The following CSMD1 variants were observed in gnomAD, a reference collection of about 807,000 sequenced individuals.
CSMD1 encodes the protein CUB and sushi domain-containing protein 1.
Under a neutral mutation model 417.5 loss-of-function variants are expected in CSMD1, and 213 were observed. That is an observed-to-expected ratio of 0.51 (90% CI 0.46 to 0.57). The LOEUF (loss-of-function observed/expected upper bound fraction) is 0.57, where lower values mean the gene tolerates loss of function less well. CSMD1 is among the 20% of genes least tolerant of loss of function. The probability of loss-of-function intolerance (pLI) is 0.00; values close to 1 mark genes in which losing one functional copy is unlikely to be tolerated. For synonymous variants in CSMD1, 2,862 were observed against 1,736.8 expected (o/e 1.65, Z -16.11); for missense variants, 6,923 against 4,529.7 (o/e 1.53, Z -15.17).
In CSMD1 at chr8:4,346,331, G is replaced by A. The variant is rs144832236; in HGVS notation, c.415+73622C>T. Among the ~76,000 whole-genome samples the A allele has an allele frequency of 3.6e-3, 552 of 152,212 alleles. 3 individuals are homozygous for A. The highest frequency in any genetic ancestry group is 0.013 in the African/African-American group (531 of 41,532). On this transcript the variant is annotated intron_variant, in intron 3 of 69. Coordinates refer to ENST00000635120, the MANE Select transcript of CSMD1 (RefSeq NM_033225.6). ...CAGTGACCATAAATCCAGTTTTACT[G>A]GAAAGCAGCCATGCCCATCTATTTC...
intron 5 of CSMD1, among the ~76,000 whole-genome samples, chr8:3,859,532 T>C (rs1239298946): frequency 6.6e-6 from 1 of 152,166 alleles, no homozygotes; most frequent in African/African-American, 2.4e-5. Context: ...CACAGTTGGA[T>C]TTCAGGGCGA....
chr8:3,035,312 A>T (rs928849750), intron 50 of CSMD1, among the ~76,000 whole-genome samples: 1 of 152,128 alleles, frequency 6.6e-6, no homozygotes, highest in East Asian at 1.9e-4. Context: ...ATGTAATTCT[A>T]CTGTAAGCGG....
intron 1 of CSMD1, among the ~76,000 whole-genome samples, chr8:4,726,689 A>C (rs1809479563): frequency 1.3e-5 from 2 of 152,160 alleles, no homozygotes; most frequent in Non-Finnish European, 2.9e-5. Context: ...GTCCTATTTC[A>C]TCAGTTCTAA....
At chr8:4,358,838 A>C (rs1801587157) in intron 3 of CSMD1, among the ~76,000 whole-genome samples, 1 of 152,168 alleles carries the variant, frequency 6.6e-6, no homozygotes, top group African/African-American at 2.4e-5. Context: ...CCTTGGTTTC[A>C]GTGCTCAAAT....
chr8:3,038,070 T>C (rs981824771), intron 50 of CSMD1, among the ~76,000 whole-genome samples: 5 of 152,180 alleles, frequency 3.3e-5, no homozygotes, highest in Non-Finnish European at 5.9e-5. Context: ...AAAATACATA[T>C]ATTTGAGCAG....
chr8:3,159,283 C>A (rs1207839970), intron 38 of CSMD1, among the ~76,000 whole-genome samples: 1 of 152,144 alleles, frequency 6.6e-6, no homozygotes, highest in Non-Finnish European at 1.5e-5. Context: ...ATGAGCGATT[C>A]TAGCTACAAG....
At chr8:3,712,866 T>C (rs1390171673) in intron 6 of CSMD1, among the ~76,000 whole-genome samples, 1 of 152,126 alleles carries the variant, frequency 6.6e-6, no homozygotes, top group African/African-American at 2.4e-5. Context: ...CCTGGGGAGA[T>C]GCTGGTCAAA....
intron 2 of CSMD1, among the ~76,000 whole-genome samples, chr8:4,597,609 T>A (rs928237903): frequency 3.8e-4 from 58 of 152,258 alleles, no homozygotes; most frequent in African/African-American, 1.4e-3. Context: ...GAAAATGGAA[T>A]ATTTAAGACC....
chr8:4,403,234 G>A lies in CSMD1; in HGVS notation c.415+16719C>T, dbSNP rs575621125. Among the ~76,000 whole-genome samples the A allele has an allele frequency of 5.0e-4, 76 of 152,256 alleles. 1 individual carries two copies. The highest frequency in any genetic ancestry group is 1.8e-3 in the African/African-American group (76 of 41,552). ...TTTCTTTTCCTTATGAGAATATAAA[G>A]ATCATTTCTCCTACGTTAAAGGCAA... On this transcript the variant is annotated intron_variant, in intron 3 of 69. Transcript: ENST00000635120.
At chr8:3,497,958 C>T (rs1016129695) in intron 10 of CSMD1, among the ~76,000 whole-genome samples, 7 of 152,190 alleles carry the variant, frequency 4.6e-5, no homozygotes, top group South Asian at 2.1e-4. Context: ...GAAGGGCTCC[C>T]ATAAGCATTT....
chr8:4,146,593 C>CTTTTTTTTTTTTTTTTTTTTTTTTT lies in CSMD1; in HGVS notation c.416-114495_416-114494insAAAAAAAAAAAAAAAAAAAAAAAAA, dbSNP rs1208930261. The stretch of plus-strand genomic sequence containing the variant: ...ATCTGTCTAAATGTTTATATGGACA[C>CTTTTTTTTTTTTTTTTTTTTTTTTT]ATTTTTTTTTTTTTTTTTTTTTTTT... On this transcript the variant is annotated intron_variant, in intron 3 of 69. Transcript: ENST00000635120. Among the ~76,000 whole-genome samples the CTTTTTTTTTTTTTTTTTTTTTTTTT allele has an allele frequency of 8.8e-5, 8 of 90,762 alleles. 3 individuals are homozygous for CTTTTTTTTTTTTTTTTTTTTTTTTT. The highest frequency in any genetic ancestry group is 2.9e-4 in the Admixed American group (2 of 6,792). 59.5% of individuals were successfully genotyped at this position (90,762 alleles called of 152,430 possible).
At chr8:3,200,843 T>C (rs78373690) in intron 32 of CSMD1, among the ~76,000 whole-genome samples, 2,484 of 152,256 alleles carry the variant, frequency 0.016, 74 homozygotes, top group African/African-American at 0.057. Flanking sequence ...AATCTGAACA[T>C]TAATTGGTCA....
chr8:3,100,254 A>G (rs577395056), intron 46 of CSMD1, among the ~76,000 whole-genome samples: 17 of 152,166 alleles, frequency 1.1e-4, no homozygotes, highest in African/African-American at 4.1e-4. Context: ...TTGTTTTGCC[A>G]TTTTGCCCAG....
chr8:3,882,681 T>C (rs540332025), intron 5 of CSMD1, among the ~76,000 whole-genome samples: 1 of 152,240 alleles, frequency 6.6e-6, no homozygotes, highest in East Asian at 1.9e-4. Flanking sequence ...CAAAACAAAA[T>C]ACTACACAGC....
At chr8:3,570,291 T>A (rs1020390641) in intron 10 of CSMD1, among the ~76,000 whole-genome samples, 3 of 152,254 alleles carry the variant, frequency 2.0e-5, no homozygotes, top group African/African-American at 7.2e-5. Context: ...CTTGCCTGGA[T>A]GTGATGGATA....
chr8:4,953,584 A>T (rs1808889922), intron 1 of CSMD1, among the ~76,000 whole-genome samples: 1 of 152,172 alleles, frequency 6.6e-6, no homozygotes, highest in Non-Finnish European at 1.5e-5. Flanking sequence ...AACGATTGTC[A>T]ACTAGTCATA....
At chr8:4,585,935 T>G (rs1799677357) in intron 2 of CSMD1, among the ~76,000 whole-genome samples, 1 of 152,282 alleles carries the variant, frequency 6.6e-6, no homozygotes, top group African/African-American at 2.4e-5. Context: ...ACAATAAAAT[T>G]ATTGATTTGT....
In CSMD1 at chr8:4,994,363, C is replaced by G. The variant is rs752097674; in HGVS notation, c.54G>C (p.Val18=). 6.2e-7 allele frequency: 1 copy of G among 1,611,856 alleles called. No individual in the cohort carries two copies. Among genetic ancestry groups the G allele is most frequent in the East Asian group, 2.2e-5 (1 of 44,848 alleles). Residue 18 remains valine, a synonymous_variant, in exon 1 of 70, where the codon GTG becomes GTC. Coordinates refer to ENST00000635120, the MANE Select transcript of CSMD1 (RefSeq NM_033225.6). ...CTGCAGTGAGGAGCCTCGCGCACAG[C>G]ACCAGCAGCCCGAGAAGCAGGAGCA... is the stretch of plus-strand genomic sequence containing the variant. ...QSLLLLLGLL[V]LCARLLTAAK...
At chr8:4,217,602 C>A (rs1440679669) in intron 3 of CSMD1, among the ~76,000 whole-genome samples, 1 of 150,332 alleles carries the variant, frequency 6.7e-6, no homozygotes, top group South Asian at 2.1e-4. Flanking sequence ...ATTTGGTGAA[C>A]AGGCAAGTTA....
Sources: gnomAD v4.1 joint callset for allele counts (sites outside exome capture counted in the v4.1 genomes callset) on GRCh38, gnomAD v4.1.1 for gene constraint, MANE v1.5 for transcripts, NCBI Gene and HGNC (gene_info 2026-07-23, HGNC 2026-07-21) for gene names.